The following ANTXRL variants were observed in gnomAD, a reference collection of about 807,000 sequenced individuals.
ANTXRL encodes the protein anthrax toxin receptor-like.
In ANTXRL, 63 loss-of-function variants were observed where a neutral mutation model predicts 75.4. That is an observed-to-expected ratio of 0.84 (90% CI 0.68 to 1.03). The LOEUF (loss-of-function observed/expected upper bound fraction) is 1.03. ANTXRL is among the 50% of genes least tolerant of loss of function. The pLI is 0.00. For missense variants in ANTXRL, 797 were observed against 789.4 expected, an observed-to-expected ratio of 1.01 and a Z score of -0.12; for synonymous variants, 335 against 291.3, an observed-to-expected ratio of 1.15 and a Z score of -1.53.
intron 5 of ANTXRL, among the ~76,000 whole-genome samples, chr10:46,296,854 C>T (rs1327453995): frequency 6.6e-6 from 1 of 152,158 alleles, no homozygotes; most frequent in African/African-American, 2.4e-5. Context: ...TGGGAGCCTC[C>T]CTGAGCCTGT....
upstream of ANTXRL, among the ~76,000 whole-genome samples, chr10:46,286,610 T>C (rs1280649813): frequency 2.6e-5 from 4 of 152,154 alleles, no homozygotes; most frequent in Non-Finnish European, 5.9e-5. Flanking sequence ...AGGTGGTCTG[T>C]TACACAGCAG....
intron 9 of ANTXRL, 120 bp downstream of exon 9, chr10:46,298,182 T>G (rs1235409357): frequency 5.3e-6 from 5 of 941,926 alleles, no homozygotes; most frequent in Non-Finnish European, 8.0e-6. Context: ...AGTGTGTGAG[T>G]GTGGTGTGTG....
At chr10:46,319,222 G>T (rs1384408795) in intron 16 of ANTXRL, among the ~76,000 whole-genome samples, 1 of 152,130 alleles carries the variant, frequency 6.6e-6, no homozygotes, top group Admixed American at 6.6e-5. Context: ...CTCTCAATTT[G>T]GGGAGGTTGA....
At chr10:46,294,507 G>A (rs12570772) in intron 3 of ANTXRL, among the ~76,000 whole-genome samples, 61,123 of 151,764 alleles carry the variant, frequency 0.4, 12,092 homozygotes, top group Non-Finnish European at 0.48. Context: ...CCGGAGGTGA[G>A]GGCACTTCCA....
chr10:46,329,073 C>T (rs1378381587), intron 16 of ANTXRL, among the ~76,000 whole-genome samples: 1 of 152,112 alleles, frequency 6.6e-6, no homozygotes, highest in Non-Finnish European at 1.5e-5. Context: ...CTAGTGTGTG[C>T]CCAAGATGAA....
chr10:46,293,302 G>GTGTGTGCGTGTGCC (rs1554957187), intron 2 of ANTXRL, among the ~76,000 whole-genome samples: 2 of 55,532 alleles, frequency 3.6e-5, no homozygotes, highest in East Asian at 6.9e-4. Context: ...GTGTGCCTGT[G>GTGTGTGCGTGTGCC]TGTGTGTGCG....
rs1554967231 is a variant in ANTXRL at position 46,329,813 on chromosome 10, A to G, written c.1625A>G (p.Glu542Gly). Reference protein sequence around the residue: ...ICLRHSQHSRECLARKQAPCS... With the variant: ...ICLRHSQHSRGCLARKQAPCS... The stretch of plus-strand genomic sequence containing the variant: ...CTGAGACACAGCCAACACAGCAGGG[A>G]GTGCCTTGCCCGCAAACAGGCTCCC... Residue 542 changes from glutamate (E) to glycine (G), a missense_variant, in exon 17 of 17, where the codon GAG (glutamate) becomes GGG (glycine). Coordinates refer to ENST00000620264, the MANE Select transcript of ANTXRL (RefSeq NM_001278688.3). 3.9e-6 allele frequency: 6 copies of G among 1,532,788 alleles called. No homozygotes were observed. Among genetic ancestry groups the G allele is most frequent in the Non-Finnish European group, 5.2e-6 (6 of 1,145,724 alleles). 94.9% of individuals were successfully genotyped at this position (1,532,788 alleles called of 1,614,324 possible).
chr10:46,298,896 TGGCC>T (rs1281252653), intron 9 of ANTXRL, among the ~76,000 whole-genome samples: 6 of 151,574 alleles, frequency 4.0e-5, no homozygotes, highest in African/African-American at 1.5e-4. Flanking sequence ...AGTGGACATG[TGGCC>T]CACATGGATG....
intron 9 of ANTXRL, among the ~76,000 whole-genome samples, chr10:46,298,300 T>C (rs1352154373): frequency 6.6e-6 from 1 of 151,830 alleles, no homozygotes; most frequent in East Asian, 1.9e-4. Flanking sequence ...GCTTGATGTG[T>C]GTGAAATCTG....
intron 3 of ANTXRL, among the ~76,000 whole-genome samples, chr10:46,294,334 A>G (rs1348966831): frequency 1.3e-5 from 2 of 152,078 alleles, no homozygotes; most frequent in Non-Finnish European, 2.9e-5. Context: ...TGGTGGGAGT[A>G]GTGGGGCTTT....
At chr10:46,300,856 T>G (rs1414126862) in intron 9 of ANTXRL, among the ~76,000 whole-genome samples, 1 of 152,166 alleles carries the variant, frequency 6.6e-6, no homozygotes, top group Non-Finnish European at 1.5e-5. Flanking sequence ...TTGGTTTTCT[T>G]CCACCCTTTT....
chr10:46,304,554 G>C (rs529186758), intron 10 of ANTXRL, among the ~76,000 whole-genome samples: 20 of 152,118 alleles, frequency 1.3e-4, no homozygotes, highest in South Asian at 1.0e-3. Context: ...CAAGGTTGTG[G>C]TTTTTGCAAA....
intron 7 of ANTXRL, 40 bp downstream of exon 7, chr10:46,297,514 A>G (rs1837452666): frequency 6.5e-7 from 1 of 1,529,034 alleles, no homozygotes; most frequent in African/African-American, 1.4e-5. Context: ...TTTCAAGCCT[A>G]GTGGTCACTT....
chr10:46,297,331 G>C lies in ANTXRL; in HGVS notation c.585+3G>C, dbSNP rs1554959077. 8.5e-6 allele frequency: 13 copies of C among 1,536,398 alleles called. No individual in the cohort carries two copies. Among genetic ancestry groups the C allele is most frequent in the Non-Finnish European group, 1.1e-5 (13 of 1,146,812 alleles). On this transcript the variant is annotated splice_donor_region_variant and intron_variant, in intron 6 of 16. Transcript: ENST00000620264. ...CATTTCAGGACACTCTCAGAGAAGT[G>C]AGTCCAGTTCATACTTACCAGCATT... is the stretch of plus-strand genomic sequence containing the variant.
chr10:46,307,650 C>T (rs1838172427), intron 12 of ANTXRL, among the ~76,000 whole-genome samples, 170 bp downstream of exon 12: 1 of 152,168 alleles, frequency 6.6e-6, no homozygotes, highest in African/African-American at 2.4e-5. Flanking sequence ...GTGGGTGAGG[C>T]TGGGAGGCTG....
At chr10:46,288,436 A>G (rs1836850122) in intron 1 of ANTXRL, among the ~76,000 whole-genome samples, 1 of 152,068 alleles carries the variant, frequency 6.6e-6, no homozygotes, top group South Asian at 2.1e-4. Context: ...CACACTTTCC[A>G]GCATCGCAGG....
chr10:46,324,861 C>G (rs916479774), intron 16 of ANTXRL, among the ~76,000 whole-genome samples: 1 of 152,200 alleles, frequency 6.6e-6, no homozygotes, highest in African/African-American at 2.4e-5. Flanking sequence ...CCTTTCAACT[C>G]TGAAAGTCCT....
intron 10 of ANTXRL, among the ~76,000 whole-genome samples, chr10:46,304,319 G>A (rs1247473312): frequency 2.0e-5 from 3 of 152,128 alleles, no homozygotes; most frequent in Admixed American, 6.5e-5. Context: ...AACGGTGCCC[G>A]GCACTGGGAA....
At chr10:46,319,683 A>G (rs1371442792) in intron 16 of ANTXRL, among the ~76,000 whole-genome samples, 2 of 152,154 alleles carry the variant, frequency 1.3e-5, no homozygotes, top group Non-Finnish European at 1.5e-5. Flanking sequence ...CACAAGCATG[A>G]TAGCCTGGAA....
Sources: gnomAD v4.1 joint callset for allele counts (sites outside exome capture counted in the v4.1 genomes callset) on GRCh38, gnomAD v4.1.1 for gene constraint, MANE v1.5 for transcripts, NCBI Gene and HGNC (gene_info 2026-07-23, HGNC 2026-07-21) for gene names.